IGFBP2: variants seen among roughly 807,000 people sequenced by gnomAD.
IGFBP2 encodes insulin like growth factor binding protein 2, also known as insulin-like growth factor-binding protein 2.
In IGFBP2, 12 loss-of-function variants were observed where a neutral mutation model predicts 26.2. The ratio of observed to expected loss-of-function variants is 0.46; its 90% CI spans 0.29 to 0.74. The LOEUF (loss-of-function observed/expected upper bound fraction) is 0.74, where lower values mean the gene tolerates loss of function less well. IGFBP2 is among the 30% of genes least tolerant of loss of function. The pLI, the probability that IGFBP2 is intolerant of heterozygous loss-of-function variation, is 0.09. For missense variants in IGFBP2, 328 were observed against 441.2 expected (o/e 0.74, Z 2.30); for synonymous variants, 189 against 200.6 (o/e 0.94, Z 0.49).
intron 1 of IGFBP2, among the ~76,000 whole-genome samples, chr2:216,634,520 A>G (rs1332376216): frequency 6.6e-6 from 1 of 152,188 alleles, no homozygotes; most frequent in East Asian, 1.9e-4. Flanking sequence ...TGAGTCGCTT[A>G]GGAGAAAAAT....
chr2:216,650,724 G>A (rs1262464859), intron 1 of IGFBP2, among the ~76,000 whole-genome samples: 2 of 152,160 alleles, frequency 1.3e-5, no homozygotes, highest in African/African-American at 4.8e-5. Flanking sequence ...TAACCTAGGG[G>A]ACTTGTGGAT....
At chr2:216,641,293 C>G (rs1697608363) in intron 1 of IGFBP2, among the ~76,000 whole-genome samples, 1 of 152,196 alleles carries the variant, frequency 6.6e-6, no homozygotes, top group Non-Finnish European at 1.5e-5. Flanking sequence ...CCACTCCTCT[C>G]TGGAGGTTCA....
chr2:216,652,745 A>G (rs1476669512), intron 1 of IGFBP2, among the ~76,000 whole-genome samples: 2 of 152,240 alleles, frequency 1.3e-5, no homozygotes, highest in African/African-American at 4.8e-5. Flanking sequence ...TTTGGGAGAA[A>G]TTAACAAAGA....
chr2:216,650,598 A>C (rs1218688638), intron 1 of IGFBP2, among the ~76,000 whole-genome samples: 2 of 152,184 alleles, frequency 1.3e-5, no homozygotes, highest in East Asian at 3.8e-4. Flanking sequence ...CTTGCCACTC[A>C]ACAGAGGTCA....
chr2:216,664,039 G>A lies in IGFBP2; in HGVS notation c.913G>A (p.Glu305Lys), dbSNP rs751246510. Reference sequence around the variant, plus strand: ...AGCCCCCACCATCCGGGGGGACCCCGAGTGTCATCTCTTCTACAATGAGCA... The same window carrying A: ...AGCCCCCACCATCCGGGGGGACCCCAAGTGTCATCTCTTCTACAATGAGCA... ...QGAPTIRGDP[E>K]CHLFYNEQQE... The change falls in exon 4 of 4, where the codon GAG (glutamate) becomes AAG (lysine). Residue 305 changes from glutamate (E) to lysine (K), a missense_variant. Glu to Lys is a moderately conservative substitution (Grantham distance 56, BLOSUM62 1). Transcript: ENST00000233809. The surrounding 1 kb of genome is among the most constrained non-coding windows in gnomAD (Gnocchi z 4.6). 6.2e-6 allele frequency: 10 copies of A among 1,613,858 alleles called. No individual in the cohort carries two copies. The Admixed American group carries it at 1.0e-4, about 16-fold the overall frequency.
chr2:216,652,335 G>A lies in IGFBP2; in HGVS notation c.443-8222G>A, dbSNP rs562710336. Among the ~76,000 whole-genome samples the A allele has an allele frequency of 5.9e-5, 9 of 152,240 alleles. No homozygotes were observed. The South Asian group carries it at 8.3e-4, about 14-fold the overall frequency. On this transcript the variant is annotated intron_variant, in intron 1 of 3. Coordinates refer to ENST00000233809, the MANE Select transcript of IGFBP2 (RefSeq NM_000597.3). Reference sequence around the variant, plus strand: ...ATTACAGGCATGCGCCACCATGCCTGGCTAATTTTTATGTATTTTTAGTAG... The same window carrying A: ...ATTACAGGCATGCGCCACCATGCCTAGCTAATTTTTATGTATTTTTAGTAG...
Position 216,664,170 on chromosome 2 carries a change from A to G in IGFBP2, c.*66A>G, listed in dbSNP as rs966629918. The G allele has an allele frequency of 1.5e-5, 21 of 1,358,662 alleles. No homozygotes were observed. In the African/African-American group the frequency reaches 2.9e-4, roughly 19 times the overall value. 84.2% of individuals were successfully genotyped at this position (1,358,662 alleles called of 1,614,324 possible). On this transcript the variant is annotated 3_prime_UTR_variant, in exon 4 of 4. Coordinates refer to ENST00000233809, the MANE Select transcript of IGFBP2 (RefSeq NM_000597.3). This position sits in a 1 kb window ranked among gnomAD's most constrained non-coding sequence, Gnocchi z 4.6. ...CTCTCCAAACACCGGCAGAAAACGG[A>G]GAGTGCTTGGGTGGTGGGTGCTGGA...
chr2:216,652,478 T>G (rs1697847616), intron 1 of IGFBP2, among the ~76,000 whole-genome samples: 1 of 152,214 alleles, frequency 6.6e-6, no homozygotes, highest in Admixed American at 6.5e-5. Flanking sequence ...GCCCCGCCCC[T>G]TAGCAGAATT....
intron 1 of IGFBP2, among the ~76,000 whole-genome samples, chr2:216,645,717 G>A (rs1352173843): frequency 6.6e-6 from 1 of 152,210 alleles, no homozygotes; most frequent in Non-Finnish European, 1.5e-5. Flanking sequence ...CTGTTAGCAG[G>A]TGTGACTTAT....
At position 216,633,614 on chromosome 2, in the gene IGFBP2, G is replaced by A. The variant is rs1356960251; in HGVS notation, c.91G>A (p.Gly31Ser). Residue 31 changes from glycine (G) to serine (S), a missense_variant, in exon 1 of 4, where the codon GGC (glycine) becomes AGC (serine). Transcript: ENST00000233809. ...LLLLLGASGG[G>S]GGARAEVLFR... Reference sequence around the variant, plus strand: ...GCTGCTACTGGGCGCGAGTGGCGGCGGCGGCGGGGCGCGCGCGGAGGTGCT... The same window carrying A: ...GCTGCTACTGGGCGCGAGTGGCGGCAGCGGCGGGGCGCGCGCGGAGGTGCT... 2.0e-6 allele frequency: 2 copies of A among 1,010,498 alleles called. No individual in the cohort carries two copies. Among genetic ancestry groups the A allele is most frequent in the Non-Finnish European group, 2.4e-6 (2 of 849,416 alleles). The allele number at this position is 1,010,498 out of a possible 1,614,324, so 62.6% of individuals were successfully genotyped here.
At chr2:216,658,817 G>T (rs776045649) in intron 1 of IGFBP2, among the ~76,000 whole-genome samples, 16 of 152,152 alleles carry the variant, frequency 1.1e-4, no homozygotes, top group Non-Finnish European at 2.1e-4. Context: ...CTCCCAAAGT[G>T]CTGGGATTAT....
chr2:216,634,093 C>A (rs1559173089), intron 1 of IGFBP2, 128 bp downstream of exon 1: 6 of 1,353,316 alleles, frequency 4.4e-6, no homozygotes, highest in Non-Finnish European at 5.8e-6. Context: ...TCAAGGGGGA[C>A]TGTTGCTAGC....
At chr2:216,641,821 C>G (rs1448838898) in intron 1 of IGFBP2, among the ~76,000 whole-genome samples, 2 of 150,526 alleles carry the variant, frequency 1.3e-5, no homozygotes, top group Admixed American at 6.7e-5. Flanking sequence ...TCCCGAGTAG[C>G]TGGGACTACA....
intron 1 of IGFBP2, among the ~76,000 whole-genome samples, chr2:216,646,415 T>A (rs1040366791): frequency 2.0e-5 from 3 of 152,204 alleles, no homozygotes; most frequent in African/African-American, 7.2e-5. Flanking sequence ...CTCACTGCCT[T>A]TCTTGACTCT....
chr2:216,646,348 ATG>A, intron 1 of IGFBP2, among the ~76,000 whole-genome samples: 1 of 152,142 alleles, frequency 6.6e-6, no homozygotes, highest in Non-Finnish European at 1.5e-5. Flanking sequence ...TAGGACAGGC[ATG>A]TGTCCTTCCC....
intron 1 of IGFBP2, among the ~76,000 whole-genome samples, chr2:216,650,655 A>G (rs965045206): frequency 6.6e-6 from 1 of 152,170 alleles, no homozygotes; most frequent in Non-Finnish European, 1.5e-5. Context: ...TGGTAGCTGC[A>G]GGTGGAGGGA....
At chr2:216,641,753 G>A (rs1697618528) in intron 1 of IGFBP2, among the ~76,000 whole-genome samples, 4 of 148,804 alleles carry the variant, frequency 2.7e-5, no homozygotes, top group East Asian at 2.0e-4. Context: ...GCAGTGGCGC[G>A]ATCTCAGCTC....
rs1304187844 is a variant in IGFBP2 at position 216,633,823 on chromosome 2, C to T, written c.300C>T (p.Val100=). 3 of 1,531,706 alleles carry T rather than the reference C, an allele frequency of 2.0e-6. No individual in the cohort carries two copies. The highest frequency in any genetic ancestry group is 1.2e-5 in the South Asian group (1 of 83,768). The allele number at this position is 1,531,706 out of a possible 1,614,324, so 94.9% of individuals were successfully genotyped here. A position where few individuals can be genotyped will look rare whatever the true frequency, so the allele number is the denominator to read the frequency against. ...GGCTGGAGGGCGAGGCGTGCGGCGTCTACACCCCGCGCTGCGGCCAGGGGC... is the reference window on the plus strand; with the variant it reads ...GGCTGGAGGGCGAGGCGTGCGGCGTTTACACCCCGCGCTGCGGCCAGGGGC... The part of the protein sequence containing the change: ...CARLEGEACG[V]YTPRCGQGLR... The change falls in exon 1 of 4, where the codon GTC becomes GTT. Residue 100 remains valine, a synonymous_variant. Coordinates refer to ENST00000233809, the MANE Select transcript of IGFBP2 (RefSeq NM_000597.3).
intron 1 of IGFBP2, among the ~76,000 whole-genome samples, chr2:216,647,579 G>C (rs1039307397): frequency 6.6e-6 from 1 of 152,114 alleles, no homozygotes; most frequent in African/African-American, 2.4e-5. Flanking sequence ...GAGTGCAGTG[G>C]CGTGATCTCG....
Sources: allele counts gnomAD v4.1 joint callset (sites outside exome capture counted in the v4.1 genomes callset), GRCh38; gene constraint gnomAD v4.1.1; non-coding constraint Gnocchi (gnomAD v3.1); transcripts MANE v1.5; gene names NCBI Gene and HGNC (gene_info 2026-07-23, HGNC 2026-07-21).